LRP2: variants seen among roughly 807,000 people sequenced by gnomAD.
LRP2 encodes LDL receptor related protein 2, also known as low-density lipoprotein receptor-related protein 2.
Under a neutral mutation model 531.0 loss-of-function variants are expected in LRP2, and 172 were observed. That is an observed-to-expected ratio of 0.32 (90% CI 0.29 to 0.37). The LOEUF (loss-of-function observed/expected upper bound fraction) is 0.37. Among genes scored for constraint, LRP2 ranks in the 10% least tolerant of loss-of-function variants. LRP2 has a pLI of 1.00. For synonymous variants in LRP2, 1,992 were observed against 2,027.6 expected (o/e 0.98, Z 0.47); for missense variants, 5,167 against 5,868.3 (o/e 0.88, Z 3.90).
chr2:169,168,653 A>C lies in LRP2; in HGVS notation c.11521T>G (p.Tyr3841Asp). 1 of 1,614,144 alleles carries C rather than the reference A, an allele frequency of 6.2e-7. No individual in the cohort carries two copies. ...DCPTRFPDGA[Y>D]CQATMFECKN... ...CATTCGAACATAGTAGCCTGGCAGT[A>C]TGCACCATCAGGAAAGCGTGTGGCT... The change falls in exon 61 of 79, where the codon TAC (tyrosine) becomes GAC (aspartate). Residue 3841 changes from tyrosine to aspartate, a missense_variant. Physicochemically the swap from Tyr to Asp is radical, Grantham distance 160. This residue lies in a region of LRP2 where 564 missense variants were observed against 747.7 expected (regional missense o/e 0.75). Transcript: ENST00000649046.
intron 68 of LRP2, among the ~76,000 whole-genome samples, chr2:169,150,087 G>C (rs776629593): frequency 5.3e-5 from 8 of 152,122 alleles, no homozygotes; most frequent in Non-Finnish European, 8.8e-5. Flanking sequence ...AATCTCATCA[G>C]TCAAGTATTT....
intron 77 of LRP2, among the ~76,000 whole-genome samples, chr2:169,129,914 G>T (rs1206858013): frequency 6.6e-6 from 1 of 152,244 alleles, no homozygotes; most frequent in Non-Finnish European, 1.5e-5. Context: ...AACAGGAGCT[G>T]AGGGAGCCCA....
intron 1 of LRP2, among the ~76,000 whole-genome samples, chr2:169,327,174 G>A (rs1400039415): frequency 6.9e-6 from 1 of 145,130 alleles, no homozygotes; most frequent in African/African-American, 2.6e-5. Flanking sequence ...CCCCGTCCAG[G>A]AGGGAGGTGG....
chr2:169,171,314 A>C (rs753274200), intron 58 of LRP2, among the ~76,000 whole-genome samples: 31 of 152,166 alleles, frequency 2.0e-4, no homozygotes, highest in Non-Finnish European at 3.1e-4. Flanking sequence ...AAATTGACGC[A>C]TATCATGGGT....
chr2:169,297,563 G>C (rs1213054768), intron 4 of LRP2, among the ~76,000 whole-genome samples: 2 of 152,098 alleles, frequency 1.3e-5, no homozygotes. Context: ...ACCACTCCTT[G>C]CTTCCCCTTT....
rs1295784336 is a variant in LRP2, at chr2:169,292,376, T to G, written c.653-7A>C. ...CCACCGCAGGTCGGATAGTCTGGAA[T>G]AAAGCAACAGCTGCACTCCAAAGAC... On this transcript the variant is annotated splice_region_variant and splice_polypyrimidine_tract_variant and intron_variant, in intron 6 of 78. Transcript: ENST00000649046. 2.6e-6 allele frequency: 4 copies of G among 1,568,208 alleles called. No homozygotes were observed. The highest frequency in any genetic ancestry group is 2.7e-5 in the African/African-American group (2 of 73,992).
At position 169,239,627 on chromosome 2, in the gene LRP2, G is replaced by A. The variant is rs1350394894; in HGVS notation, c.4194C>T (p.Gly1398=). ...TATTGTAACAGTGCTGGCTACAAGA[G>A]CCTAGAATATCACATTCATCTATGT... The part of the protein sequence containing the change: ...CEDIDECDIL[G]SCSQHCYNMR... The change falls in exon 26 of 79, where the codon GGC becomes GGT. Residue 1398 remains glycine, a synonymous_variant. Transcript: ENST00000649046. 1 of 1,613,956 alleles carries A rather than the reference G, an allele frequency of 6.2e-7. No individual in the cohort carries two copies. The highest frequency in any genetic ancestry group is 1.3e-5 in the African/African-American group (1 of 74,914).
In LRP2 at chr2:169,320,050, T is replaced by C. The variant is rs943185868; in HGVS notation, c.187+727A>G. Among the ~76,000 whole-genome samples the C allele has an allele frequency of 2.0e-5, 3 of 152,184 alleles. No homozygotes were observed. In the South Asian group the frequency reaches 6.2e-4, roughly 31 times the overall value. ...GATGAAGGAAATTGCAGATGTATGATTGATCACCTATGGGAAGTTGGGAAG... is the reference window on the plus strand; with the variant it reads ...GATGAAGGAAATTGCAGATGTATGACTGATCACCTATGGGAAGTTGGGAAG... On this transcript the variant is annotated intron_variant, in intron 2 of 78. Coordinates refer to ENST00000649046, the MANE Select transcript of LRP2 (RefSeq NM_004525.3).
rs1287287707 is a variant in LRP2, at chr2:169,182,752, A to G, written c.9846-433T>C. 3 of 352,794 alleles carry G rather than the reference A, an allele frequency of 8.5e-6. No individual in the cohort carries two copies. The East Asian group carries it at 5.0e-4, about 58-fold the overall frequency. 21.9% of individuals were successfully genotyped at this position (352,794 alleles called of 1,614,324 possible). A position where few individuals can be genotyped will look rare whatever the true frequency, so the allele number is the denominator to read the frequency against. ...AAACTGCACAGAGAAACTCTGAATTATGACATTCTTAAGATAAAGATTATG... is the reference window on the plus strand; with the variant it reads ...AAACTGCACAGAGAAACTCTGAATTGTGACATTCTTAAGATAAAGATTATG... On this transcript the variant is annotated intron_variant, in intron 50 of 78. Transcript: ENST00000649046.
Position 169,204,174 on chromosome 2 carries a change from T to C in LRP2, c.7813A>G (p.Ile2605Val), listed in dbSNP as rs1378742983. The change falls in exon 42 of 79, where the codon ATT becomes GTT. Residue 2605 changes from isoleucine (I) to valine (V), a missense_variant. Transcript: ENST00000649046. ...AFGLTLYGQY[I>V]YWTDLYTQRI... ...TGTGTGTACAAGTCAGTCCAGTAAA[T>C]ATACTGGCCATAGAGAGTCAAGCCA... 1.2e-6 allele frequency: 2 copies of C among 1,614,002 alleles called. No homozygotes were observed. Among genetic ancestry groups the C allele is most frequent in the Admixed American group, 3.3e-5 (2 of 59,992 alleles).
At chr2:169,198,484 C>A (rs761508200) in intron 45 of LRP2, among the ~76,000 whole-genome samples, 2 of 152,114 alleles carry the variant, frequency 1.3e-5, no homozygotes, top group Non-Finnish European at 2.9e-5. Flanking sequence ...GCTTAACGGG[C>A]AAATTCTGCC....
chr2:169,259,551 C>T (rs1361221892), intron 16 of LRP2, among the ~76,000 whole-genome samples: 2 of 152,010 alleles, frequency 1.3e-5, no homozygotes, highest in African/African-American at 4.8e-5. Flanking sequence ...AGAAGAGATA[C>T]CTGAGTTCAC....
chr2:169,136,228 T>A (rs4264540), intron 76 of LRP2, among the ~76,000 whole-genome samples: 1 of 151,248 alleles, frequency 6.6e-6, no homozygotes, highest in African/African-American at 2.4e-5. Context: ...TTCAGCTTAA[T>A]CTCTCCCACT....
At chr2:169,223,438 G>C (rs1439516432) in intron 33 of LRP2, among the ~76,000 whole-genome samples, 1 of 152,324 alleles carries the variant, frequency 6.6e-6, no homozygotes, top group South Asian at 2.1e-4. Flanking sequence ...TTGCCATTTG[G>C]AATTAAGACA....
chr2:169,333,852 G>T (rs1421120717), intron 1 of LRP2, among the ~76,000 whole-genome samples: 1 of 152,142 alleles, frequency 6.6e-6, no homozygotes, highest in Non-Finnish European at 1.5e-5. Flanking sequence ...TTATGCCTGG[G>T]CTCAAATAGC....
At chr2:169,245,387 G>T (rs1358150345) in intron 21 of LRP2, among the ~76,000 whole-genome samples, 1 of 152,016 alleles carries the variant, frequency 6.6e-6, no homozygotes, top group Non-Finnish European at 1.5e-5. Flanking sequence ...TATGAAAAGT[G>T]CAAATAGATA....
chr2:169,342,663 GT>G (rs1272695983), intron 1 of LRP2, among the ~76,000 whole-genome samples: 1 of 152,072 alleles, frequency 6.6e-6, no homozygotes, highest in African/African-American at 2.4e-5. Context: ...GTCCTCTCAG[GT>G]CTAGTTGACT....
intron 13 of LRP2, 21 bp downstream of exon 13, chr2:169,277,724 G>A: frequency 3.1e-6 from 5 of 1,600,326 alleles, no homozygotes; most frequent in Non-Finnish European, 4.3e-6. Context: ...AAAGCCATAA[G>A]CCATAAAAAA....
chr2:169,172,286 T>G, intron 57 of LRP2, 152 bp from the exon 58 acceptor site: 2 of 859,364 alleles, frequency 2.3e-6, no homozygotes, highest in Non-Finnish European at 3.7e-6. Context: ...ATGGTCAACA[T>G]TCCCTCTTTT....
Sources: allele counts gnomAD v4.1 joint callset (sites outside exome capture counted in the v4.1 genomes callset), GRCh38; gene constraint gnomAD v4.1.1; regional missense constraint gnomAD v4.1.1; transcripts MANE v1.5; gene names NCBI Gene and HGNC (gene_info 2026-07-23, HGNC 2026-07-21).